RNF32: variants seen among roughly 807,000 people sequenced by gnomAD.
RNF32 encodes the protein ring finger protein 32.
Under a neutral mutation model 41.0 loss-of-function variants are expected in RNF32, and 36 were observed. The observed-to-expected ratio is 0.88, with a 90% CI of 0.67 to 1.16. RNF32 has a LOEUF of 1.16. Ranked by LOEUF, RNF32 falls within the 50% of genes most tolerant of loss-of-function variation. RNF32 has a pLI of 0.00. For missense variants in RNF32, 413 were observed against 436.7 expected, an observed-to-expected ratio of 0.95 and a Z score of 0.48; for synonymous variants, 154 against 160.9, an observed-to-expected ratio of 0.96 and a Z score of 0.32.
chr7:156,640,258 A>G, upstream of RNF32: 1 of 447,910 alleles, frequency 2.2e-6, no homozygotes, highest in Non-Finnish European at 4.5e-6. Context: ...AGCGCAGCGA[A>G]GGGGCGGTGC....
At chr7:156,663,004 T>C (rs1800863067) in intron 7 of RNF32, among the ~76,000 whole-genome samples, 2 of 151,998 alleles carry the variant, frequency 1.3e-5, no homozygotes, top group Admixed American at 6.5e-5. Context: ...CCCACCACCA[T>C]GCCCGGCTAA....
Position 156,658,544 on chromosome 7 carries a change from T to A in RNF32, c.658T>A (p.Leu220Ile). The A allele has an allele frequency of 1.2e-6, 2 of 1,612,748 alleles. No individual in the cohort carries two copies. Among genetic ancestry groups the A allele is most frequent in the East Asian group, 4.5e-5 (2 of 44,882 alleles). ...AACAGTACCTCCCACAGATGCCAAGTTAAGAAAAAAATTCTTTGAAAAAAA... is the reference window on the plus strand; with the variant it reads ...AACAGTACCTCCCACAGATGCCAAGATAAGAAAAAAATTCTTTGAAAAAAA... ...RKTVPPTDAKLRKKFFEKKFT... is the reference protein window; with the variant it reads ...RKTVPPTDAKIRKKFFEKKFT... Residue 220 changes from leucine (L) to isoleucine (I), a missense_variant, in exon 7 of 9, where the codon TTA (leucine) becomes ATA (isoleucine). Transcript: ENST00000317955.
rs1192481737 is a variant in RNF32, at chr7:156,666,770, T to C, written c.684+8200T>C. On this transcript the variant is annotated intron_variant, in intron 7 of 8. Transcript: ENST00000317955. ...ACCGGTGTGTACAGAAAGTCCACAG[T>C]GTTGCCCAGAATGCAGCGGCTAGGC... Among the ~76,000 whole-genome samples, 6 of 152,200 alleles carry C rather than the reference T, an allele frequency of 3.9e-5. No homozygotes were observed. In the East Asian group the frequency reaches 5.8e-4, roughly 15 times the overall value.
intron 3 of RNF32, among the ~76,000 whole-genome samples, chr7:156,648,391 T>C (rs1798266933): frequency 6.6e-6 from 1 of 152,212 alleles, no homozygotes; most frequent in Admixed American, 6.5e-5. Context: ...CATGAACGTG[T>C]TGAGACTTGG....
At chr7:156,654,744 G>C (rs781253095) in intron 4 of RNF32, 26 bp downstream of exon 4, 1 of 1,606,278 alleles carries the variant, frequency 6.2e-7, no homozygotes, top group Non-Finnish European at 8.5e-7. Flanking sequence ...GGGTGAGCTA[G>C]AGAGCTCCTG....
intron 7 of RNF32, among the ~76,000 whole-genome samples, chr7:156,660,827 C>T (rs1390616143): frequency 6.6e-6 from 1 of 152,320 alleles, no homozygotes; most frequent in East Asian, 1.9e-4. Context: ...GGTTGGATTA[C>T]GGTTTGGTTT....
intron 7 of RNF32, 28 bp downstream of exon 7, chr7:156,658,598 ATATGGTCTCCG>A: frequency 6.9e-7 from 1 of 1,448,330 alleles, no homozygotes; most frequent in South Asian, 1.1e-5. Flanking sequence ...TGTTCTCCAG[ATATGGTCTCCG>A]TGCGGGTGGT....
chr7:156,674,020 G>A (rs990120725), intron 7 of RNF32, among the ~76,000 whole-genome samples: 18 of 150,596 alleles, frequency 1.2e-4, no homozygotes, highest in Admixed American at 6.6e-5. Context: ...ATATCTAAAT[G>A]TGTGAGATCT....
At chr7:156,648,029 GT>G (rs11450384) in intron 3 of RNF32, among the ~76,000 whole-genome samples, 26 of 142,942 alleles carry the variant, frequency 1.8e-4, no homozygotes, top group Non-Finnish European at 2.1e-4. Context: ...GGGATTATTT[GT>G]TTTTTTTTTT....
In RNF32 at chr7:156,669,647, A is replaced by C. The variant is rs1164056909; in HGVS notation, c.685-6049A>C. Among the ~76,000 whole-genome samples the C allele has an allele frequency of 1.3e-5, 2 of 152,182 alleles. No individual in the cohort carries two copies. The highest frequency in any genetic ancestry group is 1.3e-4 in the Admixed American group (2 of 15,288). On this transcript the variant is annotated intron_variant, in intron 7 of 8. Coordinates refer to ENST00000317955, the MANE Select transcript of RNF32 (RefSeq NM_030936.4). This position sits in a 1 kb window ranked among gnomAD's most constrained non-coding sequence, Gnocchi z 4.2. ...CGACCCACAGCCACGTGAACACTGG[A>C]AACTGCCCTCAGAGCCCCGGGGATG...
intron 4 of RNF32, among the ~76,000 whole-genome samples, chr7:156,655,239 GCACACACACA>G (rs57235616): frequency 2.0e-5 from 3 of 148,526 alleles, no homozygotes; most frequent in South Asian, 2.1e-4. Flanking sequence ...ACACGCGCGC[GCACACACACA>G]CACACACACA....
In RNF32 at chr7:156,654,710, C is replaced by T. The variant is rs745490171; in HGVS notation, c.409C>T (p.Arg137Cys). 2.5e-6 allele frequency: 4 copies of T among 1,613,932 alleles called. No homozygotes were observed. The highest frequency in any genetic ancestry group is 1.7e-5 in the Admixed American group (1 of 60,022). Reference sequence around the variant, plus strand: ...CATCTGTAAAGAAGAATTCGAGCTTCGTCCTCAGGTGTTTAGCATACGAGG... The same window carrying T: ...CATCTGTAAAGAAGAATTCGAGCTTTGTCCTCAGGTGTTTAGCATACGAGG... ...CPICKEEFEL[R>C]PQVLLSCSHV... is the part of the protein sequence containing the mutation. Residue 137 changes from arginine (R) to cysteine (C), a missense_variant, in exon 4 of 9, where the codon CGT (arginine) becomes TGT (cysteine). Transcript: ENST00000317955.
In RNF32 at chr7:156,675,125, AGGCAGCGGCGACCCGAAGG is replaced by A. The variant is rs553830648; in HGVS notation, c.685-562_685-544del. 2.6e-4 allele frequency among the ~76,000 whole-genome samples: 39 copies of A among 152,310 alleles called. No individual in the cohort carries two copies. The South Asian group carries it at 5.8e-3, about 23-fold the overall frequency. On this transcript the variant is annotated intron_variant, in intron 7 of 8. Transcript: ENST00000317955. ...CGGAAGAGATAGTGCAGACCCGAAG[AGGCAGCGGCGACCCGAAGG>A]GGCAGCGGAGACCCGAAGAGACAGT...
At chr7:156,655,941 C>T (rs576016349) in intron 4 of RNF32, among the ~76,000 whole-genome samples, 8 of 152,306 alleles carry the variant, frequency 5.3e-5, no homozygotes, top group African/African-American at 1.9e-4. Context: ...AGGGTGTACC[C>T]TGCCCAACAT....
chr7:156,648,259 T>C (rs558498086), intron 3 of RNF32, among the ~76,000 whole-genome samples: 2 of 152,298 alleles, frequency 1.3e-5, no homozygotes, highest in South Asian at 4.1e-4. Flanking sequence ...AAGATCTGTG[T>C]GTTGGAGTCA....
chr7:156,660,956 G>A (rs1475516973), intron 7 of RNF32, among the ~76,000 whole-genome samples: 1 of 152,194 alleles, frequency 6.6e-6, no homozygotes, highest in Non-Finnish European at 1.5e-5. Context: ...GATTGTAGGT[G>A]GATTCAGAGA....
chr7:156,663,678 G>C (rs1360167036), intron 7 of RNF32, among the ~76,000 whole-genome samples: 1 of 152,160 alleles, frequency 6.6e-6, no homozygotes, highest in Admixed American at 6.5e-5. Context: ...AGCCTTGTTA[G>C]ATATCAAAAT....
intron 4 of RNF32, among the ~76,000 whole-genome samples, chr7:156,656,205 C>T (rs182465850): frequency 7.9e-5 from 12 of 152,268 alleles, no homozygotes; most frequent in Admixed American, 3.3e-4. Flanking sequence ...CATAGTAGGC[C>T]GACGCAGAAA....
intron 3 of RNF32, among the ~76,000 whole-genome samples, chr7:156,648,997 CCA>C (rs1344330909): frequency 1.3e-5 from 2 of 152,124 alleles, no homozygotes; most frequent in East Asian, 1.9e-4. Context: ...TTAGATGTCA[CCA>C]CAGTTTGTTT....
Sources: allele counts gnomAD v4.1 joint callset (sites outside exome capture counted in the v4.1 genomes callset), GRCh38; gene constraint gnomAD v4.1.1; non-coding constraint Gnocchi (gnomAD v3.1); transcripts MANE v1.5; gene names NCBI Gene and HGNC (gene_info 2026-07-23, HGNC 2026-07-21).